SIL1: variants seen among roughly 807,000 people sequenced by gnomAD.
SIL1 encodes SIL1 nucleotide exchange factor.
Under a neutral mutation model 49.1 loss-of-function variants are expected in SIL1, and 40 were observed. That is an observed-to-expected ratio of 0.81 (90% confidence interval 0.63 to 1.06). SIL1 has a LOEUF of 1.06. Among genes scored for constraint, SIL1 ranks in the 50% least tolerant of loss-of-function variants. The pLI, the probability that SIL1 is intolerant of heterozygous loss-of-function variation, is 0.00. For synonymous variants in SIL1, 253 were observed against 250.8 expected (o/e 1.01, Z -0.08); for missense variants, 500 against 572.6 (o/e 0.87, Z 1.29).
At chr5:139,173,246 G>C (rs543914266) in intron 1 of SIL1, among the ~76,000 whole-genome samples, 5 of 152,150 alleles carry the variant, frequency 3.3e-5, no homozygotes, top group African/African-American at 1.2e-4. Flanking sequence ...AATAGCTAAA[G>C]AATATACACC....
At chr5:139,077,736 G>A (rs1769983327) in intron 3 of SIL1, among the ~76,000 whole-genome samples, 1 of 152,178 alleles carries the variant, frequency 6.6e-6, no homozygotes, top group African/African-American at 2.4e-5. Flanking sequence ...TGGGAGTTGA[G>A]AGGTATCAAA....
Position 139,151,681 on chromosome 5 carries a change from G to A in SIL1, c.-10-23828C>T, listed in dbSNP as rs530950450. 2.4e-3 allele frequency among the ~76,000 whole-genome samples: 371 copies of A among 152,240 alleles called. 3 individuals are homozygous for A. The highest frequency in any genetic ancestry group is 8.2e-3 in the African/African-American group (342 of 41,546). ...AGCAACAGGACTGTGATGAGCTCCC[G>A]CAACTGCACAGTTGGGTCCCAACCC... On this transcript the variant is annotated intron_variant, in intron 1 of 9. Transcript: ENST00000394817.
intron 3 of SIL1, among the ~76,000 whole-genome samples, chr5:139,053,435 C>T (rs768372664): frequency 1.8e-4 from 28 of 152,256 alleles, no homozygotes; most frequent in Non-Finnish European, 3.2e-4. Flanking sequence ...CCCGATTCAC[C>T]TCCCAATCAA....
At chr5:139,053,182 C>G (rs1769331073) in intron 3 of SIL1, among the ~76,000 whole-genome samples, 1 of 152,144 alleles carries the variant, frequency 6.6e-6, no homozygotes, top group African/African-American at 2.4e-5. Flanking sequence ...GAATGCTAAA[C>G]AAGACAATAG....
At chr5:139,151,246 AG>A (rs1204641022) in intron 1 of SIL1, among the ~76,000 whole-genome samples, 8 of 152,124 alleles carry the variant, frequency 5.3e-5, no homozygotes, top group African/African-American at 1.9e-4. Flanking sequence ...GGACAGAGGA[AG>A]GGGGCAACAG....
intron 7 of SIL1, among the ~76,000 whole-genome samples, chr5:139,004,881 G>A (rs1216044608): frequency 6.6e-6 from 1 of 152,160 alleles, no homozygotes; most frequent in Non-Finnish European, 1.5e-5. Context: ...GCATCATCTT[G>A]TGCATACGTG....
At chr5:139,154,230 TA>T (rs34596830) in intron 1 of SIL1, among the ~76,000 whole-genome samples, 59,198 of 151,616 alleles carry the variant, frequency 0.39, 12,661 homozygotes, top group South Asian at 0.51. Flanking sequence ...AAATATCAGG[TA>T]AAAAAAAAGG....
At chr5:138,986,399 T>C (rs994869590) in intron 7 of SIL1, among the ~76,000 whole-genome samples, 1 of 152,230 alleles carries the variant, frequency 6.6e-6, no homozygotes, top group Non-Finnish European at 1.5e-5. Flanking sequence ...CTGATTGATT[T>C]AGGACGCAAC....
At chr5:139,042,486 A>C (rs777598356) in intron 5 of SIL1, 134 bp downstream of exon 5, 32 of 823,822 alleles carry the variant, frequency 3.9e-5, no homozygotes, top group Non-Finnish European at 6.4e-5. Flanking sequence ...TTTGTCATTA[A>C]TGTTCTTTAA....
chr5:139,030,614 A>G (rs1933806829), intron 5 of SIL1, among the ~76,000 whole-genome samples: 2 of 144,796 alleles, frequency 1.4e-5, no homozygotes, highest in South Asian at 4.4e-4. Context: ...AGACCCTGTC[A>G]AAAAAAAAAA....
chr5:138,964,797 GA>G (rs1767100442), intron 7 of SIL1, among the ~76,000 whole-genome samples: 1 of 152,180 alleles, frequency 6.6e-6, no homozygotes, highest in Non-Finnish European at 1.5e-5. Context: ...CAACTTAAAA[GA>G]AAAAAACATT....
At chr5:139,145,629 C>CGTGTGTGTGT (rs57675583) in intron 1 of SIL1, among the ~76,000 whole-genome samples, 2 of 142,644 alleles carry the variant, frequency 1.4e-5, no homozygotes, top group Non-Finnish European at 3.1e-5. Flanking sequence ...GGTGTGGGGG[C>CGTGTGTGTGT]GTGTGTGTGT....
At chr5:139,107,012 CAG>C (rs1770728539) in intron 3 of SIL1, among the ~76,000 whole-genome samples, 1 of 152,212 alleles carries the variant, frequency 6.6e-6, no homozygotes, top group Admixed American at 6.5e-5. Context: ...TTCCAAAGAA[CAG>C]AGACAAGTGC....
At chr5:139,195,161 A>C (rs1399411254) in intron 1 of SIL1, among the ~76,000 whole-genome samples, 1 of 151,892 alleles carries the variant, frequency 6.6e-6, no homozygotes, top group Non-Finnish European at 1.5e-5. Context: ...TGAACTCCCG[A>C]CCTCAGGTGA....
intron 1 of SIL1, among the ~76,000 whole-genome samples, chr5:139,142,159 C>T (rs570038026): frequency 6.6e-6 from 1 of 152,300 alleles, no homozygotes; most frequent in East Asian, 1.9e-4. Context: ...AAAGCCAAAG[C>T]TCCAAAAAGG....
At chr5:138,956,082 C>CA (rs1223755157) in intron 7 of SIL1, among the ~76,000 whole-genome samples, 2 of 152,254 alleles carry the variant, frequency 1.3e-5, no homozygotes, top group East Asian at 3.8e-4. Flanking sequence ...TGTGCTCACT[C>CA]ACGCGTCCTC....
intron 3 of SIL1, among the ~76,000 whole-genome samples, chr5:139,053,238 A>G (rs1769331815): frequency 6.6e-6 from 1 of 152,138 alleles, no homozygotes; most frequent in Non-Finnish European, 1.5e-5. Flanking sequence ...CTCTTCCTGG[A>G]TGAATGCTAA....
intron 3 of SIL1, among the ~76,000 whole-genome samples, chr5:139,085,795 G>A (rs897917686): frequency 3.9e-5 from 6 of 152,148 alleles, no homozygotes; most frequent in Non-Finnish European, 5.9e-5. Context: ...ACACAGGCTT[G>A]GATGTCATCT....
intron 7 of SIL1, among the ~76,000 whole-genome samples, chr5:138,958,165 T>C (rs1338383748): frequency 3.3e-5 from 5 of 152,250 alleles, no homozygotes; most frequent in African/African-American, 1.2e-4. Context: ...CATCTGGAAC[T>C]GTCCCTTAGT....
Sources: gnomAD v4.1 joint callset for allele counts (sites outside exome capture counted in the v4.1 genomes callset) on GRCh38, gnomAD v4.1.1 for gene constraint, MANE v1.5 for transcripts, NCBI Gene and HGNC (gene_info 2026-07-23, HGNC 2026-07-21) for gene names.